The following SUGT1 variants were observed in gnomAD, a reference collection of about 807,000 sequenced individuals.
The protein encoded by SUGT1 is SGT1 assembly cochaperone of MIS12 kinetochore complex.
In SUGT1, 15 loss-of-function variants were observed where a neutral mutation model predicts 56.1. That is an observed-to-expected ratio of 0.27 (90% confidence interval 0.18 to 0.41). The LOEUF (loss-of-function observed/expected upper bound fraction) is 0.41. Ranked by LOEUF, SUGT1 falls within the 10% of genes least tolerant of loss-of-function variation. The pLI is 1.00. For missense variants in SUGT1, 347 were observed against 382.2 expected (o/e 0.91, Z 0.77); for synonymous variants, 123 against 128.6 (o/e 0.96, Z 0.30).
Position 52,652,844 on chromosome 13 carries a change from G to T in SUGT1, c.-77G>T. 6.4e-7 allele frequency: 1 copy of T among 1,566,392 alleles called. No individual in the cohort carries two copies. The highest frequency in any genetic ancestry group is 8.7e-7 in the Non-Finnish European group (1 of 1,154,154). ...AAGCTCGGTTGGTGTTTCTCCAGAA[G>T]TTTCCCCCTTGGGCGGTGGTGGAGG... On this transcript the variant is annotated 5_prime_UTR_variant, in exon 1 of 13. Coordinates refer to ENST00000310528, the MANE Select transcript of SUGT1 (RefSeq NM_006704.5).
rs1427210074 is a variant in SUGT1 at position 52,700,684 on chromosome 13, A to C, written c.*12849A>C. On this transcript the variant is annotated 3_prime_UTR_variant, in exon 13 of 13. Transcript: ENST00000310528. ...ATCTTCATGTTTGAGATACGCTTTT[A>C]GGACTGTCTATGCATGTAGACTTTG... The C allele has an allele frequency of 1.3e-5, 2 of 152,196 alleles. No individual in the cohort carries two copies. The highest frequency in any genetic ancestry group is 2.9e-5 in the Non-Finnish European group (2 of 68,028). The allele number at this position is 152,196 out of a possible 1,614,324, so 9.4% of individuals were successfully genotyped here.
chr13:52,652,903 C>G lies in SUGT1; in HGVS notation c.-18C>G, dbSNP rs1321130525. ...GTGATAGTAGCAGCTCCGGCGGCAGCAACAGCGACTACGAGGGATGGCGGC... is the reference window on the plus strand; with the variant it reads ...GTGATAGTAGCAGCTCCGGCGGCAGGAACAGCGACTACGAGGGATGGCGGC... On this transcript the variant is annotated 5_prime_UTR_variant, in exon 1 of 13. Coordinates refer to ENST00000310528, the MANE Select transcript of SUGT1 (RefSeq NM_006704.5). The G allele has an allele frequency of 6.2e-7, 1 of 1,612,766 alleles. No individual in the cohort carries two copies. The highest frequency in any genetic ancestry group is 2.2e-5 in the East Asian group (1 of 44,872).
chr13:52,670,542 C>T (rs1962889356), intron 10 of SUGT1, among the ~76,000 whole-genome samples: 1 of 152,152 alleles, frequency 6.6e-6, no homozygotes, highest in African/African-American at 2.4e-5. Context: ...CACGGTGGGT[C>T]ATGCCTGTAA....
intron 12 of SUGT1, among the ~76,000 whole-genome samples, chr13:52,681,622 C>T (rs1429820844): frequency 6.6e-6 from 1 of 151,842 alleles, no homozygotes; most frequent in Non-Finnish European, 1.5e-5. Context: ...GAGTCTGAGG[C>T]CACAGGATCC....
rs1457013158 is a variant in SUGT1 at position 52,690,847 on chromosome 13, A to G, written c.*3012A>G. On this transcript the variant is annotated 3_prime_UTR_variant, in exon 13 of 13. Transcript: ENST00000310528. ...GAGGATGGCTTGCATTAATAACTCT[A>G]GTTTTTAAAAACATTTTTATTCCTT... is the stretch of plus-strand genomic sequence containing the variant. The G allele has an allele frequency of 6.6e-6, 1 of 152,224 alleles. No homozygotes were observed. The highest frequency in any genetic ancestry group is 1.5e-5 in the Non-Finnish European group (1 of 68,046). The allele number at this position is 152,224 out of a possible 1,614,324, so 9.4% of individuals were successfully genotyped here. A position where few individuals can be genotyped will look rare whatever the true frequency, so the allele number is the denominator to read the frequency against.
At chr13:52,659,960 C>G (rs1402510778) in intron 5 of SUGT1, among the ~76,000 whole-genome samples, 1 of 150,220 alleles carries the variant, frequency 6.7e-6, no homozygotes, top group Non-Finnish European at 1.5e-5. Context: ...CCCCGAGTAG[C>G]TGGGACTACA....
chr13:52,666,096 G>A (rs1287215452), intron 9 of SUGT1, among the ~76,000 whole-genome samples: 2 of 152,128 alleles, frequency 1.3e-5, no homozygotes. Context: ...TTTTTTTGTT[G>A]TTGTTTTTTG....
At chr13:52,655,988 A>G (rs1962149391) in intron 2 of SUGT1, among the ~76,000 whole-genome samples, 1 of 152,196 alleles carries the variant, frequency 6.6e-6, no homozygotes, top group Non-Finnish European at 1.5e-5. Context: ...TTAGTTTTTA[A>G]GAGGCAGCAG....
intron 5 of SUGT1, chr13:52,661,678 T>C (rs1962463662): frequency 3.1e-6 from 1 of 326,536 alleles, no homozygotes; most frequent in South Asian, 2.3e-5. Context: ...CCCCTCTTTG[T>C]GTGATAAATT....
In SUGT1 at chr13:52,696,027, CACA is replaced by C. The variant is rs1386729870; in HGVS notation, c.*8196_*8198del. 6.6e-6 allele frequency: 1 copy of C among 152,194 alleles called. No individual in the cohort carries two copies. The highest frequency in any genetic ancestry group is 1.5e-5 in the Non-Finnish European group (1 of 68,062). 9.4% of individuals were successfully genotyped at this position (152,194 alleles called of 1,614,324 possible). A position where few individuals can be genotyped will look rare whatever the true frequency, so the allele number is the denominator to read the frequency against. Reference sequence around the variant, plus strand: ...TCCTTTGATGGAGTCATACCAAAACCACAACATGTCATGAGCATGCTTGAGAGT... The same window carrying C: ...TCCTTTGATGGAGTCATACCAAAACCACATGTCATGAGCATGCTTGAGAGT... On this transcript the variant is annotated 3_prime_UTR_variant, in exon 13 of 13. Transcript: ENST00000310528.
intron 11 of SUGT1, among the ~76,000 whole-genome samples, chr13:52,679,362 T>C (rs1398259856): frequency 6.6e-6 from 1 of 152,252 alleles, no homozygotes; most frequent in Non-Finnish European, 1.5e-5. Flanking sequence ...GGCATTGAAC[T>C]TTAGATCATC....
chr13:52,667,781 CTG>C (rs1962774915), intron 10 of SUGT1, among the ~76,000 whole-genome samples: 1 of 152,032 alleles, frequency 6.6e-6, no homozygotes, highest in Non-Finnish European at 1.5e-5. Flanking sequence ...AAATCTGACT[CTG>C]GATCTTTGCT....
At chr13:52,680,733 A>G (rs546832070) in intron 12 of SUGT1, among the ~76,000 whole-genome samples, 46 of 152,240 alleles carry the variant, frequency 3.0e-4, no homozygotes, top group Non-Finnish European at 5.7e-4. Context: ...AGACATATTT[A>G]CAGTAGAAAG....
At chr13:52,670,235 A>AG (rs1962874396) in intron 10 of SUGT1, among the ~76,000 whole-genome samples, 1 of 152,220 alleles carries the variant, frequency 6.6e-6, no homozygotes, top group Non-Finnish European at 1.5e-5. Flanking sequence ...AAATTAATGA[A>AG]GTAGCATTTC....
intron 12 of SUGT1, among the ~76,000 whole-genome samples, chr13:52,686,328 A>G (rs1030038370): frequency 1.3e-5 from 2 of 152,242 alleles, no homozygotes; most frequent in African/African-American, 4.8e-5. Flanking sequence ...CGATATGAAT[A>G]TTAGTAAAAT....
chr13:52,689,672 A>G lies in SUGT1; in HGVS notation c.*1837A>G, dbSNP rs1356212719. ...TTTCTTTCTTAAAGATGACACTATT[A>G]AAATAGCTGTTTCTGACCAGGTGCA... On this transcript the variant is annotated 3_prime_UTR_variant, in exon 13 of 13. Transcript: ENST00000310528. The G allele has an allele frequency of 6.6e-6, 1 of 152,198 alleles. No homozygotes were observed. The highest frequency in any genetic ancestry group is 1.9e-4 in the East Asian group (1 of 5,190). 9.4% of individuals were successfully genotyped at this position (152,198 alleles called of 1,614,324 possible).
chr13:52,692,755 T>G lies in SUGT1; in HGVS notation c.*4920T>G, dbSNP rs1394813363. ...AGCTGGGAAGATAAATTCCTAGAGA[T>G]CCTCACTTTCTTAAGTAGGAAAGCT... On this transcript the variant is annotated 3_prime_UTR_variant, in exon 13 of 13. Transcript: ENST00000310528. The G allele has an allele frequency of 6.6e-6, 1 of 152,206 alleles. No individual in the cohort carries two copies. The highest frequency in any genetic ancestry group is 1.5e-5 in the Non-Finnish European group (1 of 68,032). 9.4% of individuals were successfully genotyped at this position (152,206 alleles called of 1,614,324 possible).
At chr13:52,674,890 T>C (rs1179602238) in intron 10 of SUGT1, among the ~76,000 whole-genome samples, 1 of 152,166 alleles carries the variant, frequency 6.6e-6, no homozygotes, top group East Asian at 1.9e-4. Flanking sequence ...TGCTATGTGA[T>C]TGTGTGTGTT....
At position 52,690,067 on chromosome 13, in the gene SUGT1, T is replaced by C. The variant is rs1167055501; in HGVS notation, c.*2232T>C. ...TTACCCATTGGCTAGATTTGCTAAGTGTTGTGGGATTTGGGATTTTGCTGG... is the reference window on the plus strand; with the variant it reads ...TTACCCATTGGCTAGATTTGCTAAGCGTTGTGGGATTTGGGATTTTGCTGG... On this transcript the variant is annotated 3_prime_UTR_variant, in exon 13 of 13. Transcript: ENST00000310528. 1 of 152,194 alleles carries C rather than the reference T, an allele frequency of 6.6e-6. No individual in the cohort carries two copies. The highest frequency in any genetic ancestry group is 1.9e-4 in the East Asian group (1 of 5,204). The allele number at this position is 152,194 out of a possible 1,614,324, so 9.4% of individuals were successfully genotyped here. A position where few individuals can be genotyped will look rare whatever the true frequency, so the allele number is the denominator to read the frequency against.
Sources: allele counts gnomAD v4.1 joint callset (sites outside exome capture counted in the v4.1 genomes callset), GRCh38; gene constraint gnomAD v4.1.1; transcripts MANE v1.5; gene names NCBI Gene and HGNC (gene_info 2026-07-23, HGNC 2026-07-21).